Variants in GRIN2A observed in about 807,000 individuals in gnomAD.
The protein encoded by GRIN2A is glutamate receptor ionotropic, NMDA 2A.
A neutral mutation model predicts 113.4 loss-of-function variants in GRIN2A; 22 were observed. That is an observed-to-expected ratio of 0.19 (90% CI 0.14 to 0.28). The LOEUF is 0.28. Among genes scored for constraint, GRIN2A ranks in the 10% least tolerant of loss-of-function variants. The probability of loss-of-function intolerance (pLI) is 1.00; values close to 1 mark genes in which losing one functional copy is unlikely to be tolerated. For synonymous variants in GRIN2A, 827 were observed against 738.4 expected (o/e 1.12, Z -1.94); for missense variants, 1,502 against 1,887.0 (o/e 0.80, Z 3.78).
At chr16:9,956,611 T>A (rs2045317148) in intron 2 of GRIN2A, among the ~76,000 whole-genome samples, 2 of 152,202 alleles carry the variant, frequency 1.3e-5, no homozygotes, top group African/African-American at 4.8e-5. Context: ...AAAACAGCCA[T>A]GAAACCTGCG....
chr16:9,803,068 G>T (rs550900693), intron 10 of GRIN2A, among the ~76,000 whole-genome samples: 1 of 152,254 alleles, frequency 6.6e-6, no homozygotes, highest in East Asian at 1.9e-4. Context: ...GGGACTTTGG[G>T]CAAAGCAACT....
chr16:10,157,884 G>T (rs2049732852), intron 2 of GRIN2A, among the ~76,000 whole-genome samples: 1 of 152,064 alleles, frequency 6.6e-6, no homozygotes, highest in Non-Finnish European at 1.5e-5. Context: ...CTAGTGGCAA[G>T]ATTTTGTTTG....
chr16:9,823,116 A>AT (rs1351418250), intron 9 of GRIN2A, among the ~76,000 whole-genome samples: 2 of 152,166 alleles, frequency 1.3e-5, no homozygotes, highest in African/African-American at 4.8e-5. Context: ...CAAGCCCCCC[A>AT]TAAAGGCCTG....
intron 2 of GRIN2A, among the ~76,000 whole-genome samples, chr16:10,155,320 G>A (rs1398678479): frequency 6.6e-6 from 1 of 152,122 alleles, no homozygotes; most frequent in Non-Finnish European, 1.5e-5. Flanking sequence ...CCCCATCACA[G>A]AAAATGAATA....
At chr16:10,022,368 C>G (rs1051955026) in intron 2 of GRIN2A, among the ~76,000 whole-genome samples, 1 of 151,898 alleles carries the variant, frequency 6.6e-6, no homozygotes, top group Non-Finnish European at 1.5e-5. Flanking sequence ...CCCAGCCACA[C>G]AGAACATCTT....
intron 3 of GRIN2A, chr16:9,937,722 CAA>C: frequency 5.5e-6 from 3 of 546,926 alleles, no homozygotes; most frequent in South Asian, 2.0e-5. Flanking sequence ...TGTAGGTTTC[CAA>C]GATATATTGT....
At chr16:9,941,374 T>C (rs1039550132) in intron 2 of GRIN2A, among the ~76,000 whole-genome samples, 3 of 152,174 alleles carry the variant, frequency 2.0e-5, no homozygotes, top group Non-Finnish European at 4.4e-5. Flanking sequence ...TCTCTACATG[T>C]AGAGAGGAAG....
At chr16:9,852,855 C>A (rs1385089859) in intron 4 of GRIN2A, among the ~76,000 whole-genome samples, 2 of 152,164 alleles carry the variant, frequency 1.3e-5, no homozygotes, top group Non-Finnish European at 2.9e-5. Context: ...TCATTCATTC[C>A]ATAAATATGT....
intron 2 of GRIN2A, among the ~76,000 whole-genome samples, chr16:10,029,147 A>G (rs888741336): frequency 1.3e-5 from 2 of 151,990 alleles, no homozygotes; most frequent in African/African-American, 4.8e-5. Context: ...ATTGGGAGAG[A>G]GAGTCTACAA....
chr16:9,886,628 G>C (rs1443434392), intron 4 of GRIN2A, among the ~76,000 whole-genome samples: 2 of 152,042 alleles, frequency 1.3e-5, no homozygotes, highest in Non-Finnish European at 2.9e-5. Context: ...TTTTTCTCTT[G>C]TTTATGATGG....
intron 5 of GRIN2A, among the ~76,000 whole-genome samples, chr16:9,848,534 T>C (rs1324999580): frequency 2.0e-5 from 3 of 150,796 alleles, no homozygotes; most frequent in Admixed American, 6.6e-5. Flanking sequence ...TTTTAATATA[T>C]AAAAATACGA....
intron 2 of GRIN2A, among the ~76,000 whole-genome samples, chr16:10,161,422 G>C (rs1026844949): frequency 3.3e-5 from 5 of 152,072 alleles, no homozygotes; most frequent in Admixed American, 6.6e-5. Context: ...TTAACTATTT[G>C]ATGAAGGGAA....
At chr16:9,894,676 T>C (rs1045181339) in intron 3 of GRIN2A, among the ~76,000 whole-genome samples, 1 of 152,180 alleles carries the variant, frequency 6.6e-6, no homozygotes, top group African/African-American at 2.4e-5. Flanking sequence ...AGTTAAGCTG[T>C]TTTTATTTTT....
At chr16:10,105,677 T>C (rs1002637724) in intron 2 of GRIN2A, among the ~76,000 whole-genome samples, 1 of 151,994 alleles carries the variant, frequency 6.6e-6, no homozygotes, top group East Asian at 1.9e-4. Context: ...TGAGTTGAGG[T>C]GGGCAGATCT....
chr16:10,064,744 C>T (rs2047615026), intron 2 of GRIN2A, among the ~76,000 whole-genome samples: 1 of 152,224 alleles, frequency 6.6e-6, no homozygotes, highest in African/African-American at 2.4e-5. Context: ...CTCTTACTTG[C>T]ATAGTCTGTT....
intron 2 of GRIN2A, among the ~76,000 whole-genome samples, chr16:9,995,300 G>C (rs1232885395): frequency 6.6e-6 from 1 of 152,224 alleles, no homozygotes; most frequent in African/African-American, 2.4e-5. Flanking sequence ...GCACAAGCCA[G>C]ATGTGGTCAA....
intron 11 of GRIN2A, among the ~76,000 whole-genome samples, chr16:9,771,461 C>A (rs776201698): frequency 1.3e-5 from 2 of 151,738 alleles, no homozygotes; most frequent in Non-Finnish European, 2.9e-5. Flanking sequence ...AATATCCCAT[C>A]CTTTTGTTAT....
chr16:10,083,212 G>A (rs191827972), intron 2 of GRIN2A, among the ~76,000 whole-genome samples: 1 of 152,234 alleles, frequency 6.6e-6, no homozygotes, highest in Non-Finnish European at 1.5e-5. Flanking sequence ...GCAAACAGGA[G>A]CTAGTTCTGG....
At chr16:10,157,996 TTTTATTTA>T (rs971230035) in intron 2 of GRIN2A, among the ~76,000 whole-genome samples, 2 of 152,066 alleles carry the variant, frequency 1.3e-5, no homozygotes, top group African/African-American at 2.4e-5. Context: ...CTATATTTAT[TTTTATTTA>T]TTTATTTATT....
Sources: gnomAD v4.1 joint callset for allele counts (sites outside exome capture counted in the v4.1 genomes callset) on GRCh38, gnomAD v4.1.1 for gene constraint, MANE v1.5 for transcripts, NCBI Gene and HGNC (gene_info 2026-07-23, HGNC 2026-07-21) for gene names.